The following OSBPL9 variants were observed in gnomAD, a reference collection of about 807,000 sequenced individuals.
The protein encoded by OSBPL9 is oxysterol binding protein like 9, also known as oxysterol-binding protein-related protein 9.
OSBPL9 carries 40 observed loss-of-function variants against 106.6 expected under a neutral mutation model. That is an observed-to-expected ratio of 0.38 (90% CI 0.29 to 0.49). The LOEUF is 0.49. Ranked by LOEUF, OSBPL9 falls within the 20% of genes least tolerant of loss-of-function variation. The pLI is 0.97. For missense variants in OSBPL9, 609 were observed against 887.2 expected, an observed-to-expected ratio of 0.69 and a Z score of 3.98; for synonymous variants, 269 against 295.4, an observed-to-expected ratio of 0.91 and a Z score of 0.92.
At chr1:51,746,573 G>T in intron 5 of OSBPL9, 137 bp from the exon 6 acceptor site, 5 of 594,556 alleles carry the variant, frequency 8.4e-6, no homozygotes, top group East Asian at 3.0e-5. Flanking sequence ...AAAAATACAT[G>T]TTGTCTTGAA....
intron 3 of OSBPL9, chr1:51,707,158 C>G: frequency 5.1e-6 from 2 of 392,728 alleles, no homozygotes; most frequent in Admixed American, 2.5e-5. Flanking sequence ...GCCATGTGGA[C>G]CATGAGGTCC....
At chr1:51,617,324 G>T in intron 1 of OSBPL9, 103 bp downstream of exon 1, 1 of 1,189,952 alleles carries the variant, frequency 8.4e-7, no homozygotes, top group Non-Finnish European at 1.2e-6. Context: ...TTGCTAGTCT[G>T]GGGGTGCCGC....
intron 3 of OSBPL9, among the ~76,000 whole-genome samples, chr1:51,712,188 A>G (rs1301072776): frequency 6.6e-6 from 1 of 152,204 alleles, no homozygotes; most frequent in East Asian, 1.9e-4. Context: ...AGGCTGGCGG[A>G]TCACTCGCGG....
Position 51,787,495 on chromosome 1 carries a change from T to C in OSBPL9, c.2136+7T>C. ...AATTCAGTGGGAGACAAGGGTAAGC[T>C]TGCCTGCCCCACCCTCCTAAGTGCT... On this transcript the variant is annotated splice_region_variant and intron_variant, in intron 23 of 23. Transcript: ENST00000428468. The C allele has an allele frequency of 6.2e-7, 1 of 1,613,868 alleles. No homozygotes were observed. The highest frequency in any genetic ancestry group is 8.5e-7 in the Non-Finnish European group (1 of 1,179,822).
chr1:51,772,249 A>G (rs1674072063), intron 13 of OSBPL9, 67 bp downstream of exon 13: 3 of 1,327,692 alleles, frequency 2.3e-6, no homozygotes, highest in Admixed American at 2.0e-5. Flanking sequence ...GTGGTGGCTC[A>G]TGCCGTAATC....
intron 1 of OSBPL9, among the ~76,000 whole-genome samples, chr1:51,643,549 G>C (rs1645943207): frequency 6.6e-6 from 1 of 152,166 alleles, no homozygotes; most frequent in African/African-American, 2.4e-5. Flanking sequence ...CAGGGATGAT[G>C]GGGTATTTTG....
intron 4 of OSBPL9, among the ~76,000 whole-genome samples, chr1:51,735,212 CA>C (rs1311898438): frequency 6.6e-6 from 1 of 152,194 alleles, no homozygotes; most frequent in African/African-American, 2.4e-5. Context: ...GCAATTCTGG[CA>C]GTGACTGTTT....
chr1:51,538,717 T>G, the OSBPL9 span: 1 of 152,202 alleles, frequency 6.6e-6, no homozygotes, highest in African/African-American at 2.4e-5. Flanking sequence ...AAATATGCTG[T>G]CAAAGCAAGC....
chr1:51,538,946 ACT>A, the OSBPL9 span, among the ~76,000 whole-genome samples: 1 of 151,598 alleles, frequency 6.6e-6, no homozygotes. Flanking sequence ...GTCTGTCCTC[ACT>A]CTCTTTGTCT....
chr1:51,638,322 T>C (rs1645579542), intron 1 of OSBPL9, among the ~76,000 whole-genome samples: 1 of 152,126 alleles, frequency 6.6e-6, no homozygotes, highest in South Asian at 2.1e-4. Flanking sequence ...AGAGTTTTTG[T>C]TGGTGTAGCT....
At chr1:51,563,092 C>G in the OSBPL9 span, among the ~76,000 whole-genome samples, 1 of 152,118 alleles carries the variant, frequency 6.6e-6, no homozygotes, top group Non-Finnish European at 1.5e-5. Flanking sequence ...TGCCTGTAGT[C>G]CCAGCTACTC....
the OSBPL9 span, among the ~76,000 whole-genome samples, chr1:51,549,125 C>T: frequency 9.2e-5 from 14 of 152,162 alleles, no homozygotes; most frequent in Non-Finnish European, 1.5e-4. Flanking sequence ...CACCAGGCAC[C>T]AGTCTACAGG....
intron 3 of OSBPL9, among the ~76,000 whole-genome samples, chr1:51,683,480 G>A (rs1323310423): frequency 2.6e-5 from 4 of 151,028 alleles, no homozygotes; most frequent in African/African-American, 9.7e-5. Context: ...GTGCCCAGCC[G>A]AGACCAAGTT....
At chr1:51,602,494 C>A (rs180704549) in intron 2 of OSBPL9, among the ~76,000 whole-genome samples, 1 of 146,914 alleles carries the variant, frequency 6.8e-6, no homozygotes, top group Admixed American at 6.9e-5. Context: ...ACAATCACAG[C>A]CCTTTGGAAC....
chr1:51,753,692 G>A (rs993913146), intron 8 of OSBPL9, among the ~76,000 whole-genome samples: 2 of 152,072 alleles, frequency 1.3e-5, no homozygotes, highest in African/African-American at 4.8e-5. Context: ...TCTTAGAGGC[G>A]GCATGCTGTA....
the OSBPL9 span, chr1:51,566,551 G>A: frequency 2.0e-5 from 3 of 152,166 alleles, no homozygotes; most frequent in African/African-American, 7.2e-5. Context: ...TCTATAAAGG[G>A]AATGGGGAAA....
At chr1:51,523,651 A>C in the OSBPL9 span, among the ~76,000 whole-genome samples, 1 of 152,114 alleles carries the variant, frequency 6.6e-6, no homozygotes, top group Non-Finnish European at 1.5e-5. Context: ...GCCCTTGAAC[A>C]TGGGAAGCTG....
the OSBPL9 span, among the ~76,000 whole-genome samples, chr1:51,536,995 C>T: frequency 6.6e-6 from 1 of 152,116 alleles, no homozygotes; most frequent in Non-Finnish European, 1.5e-5. Context: ...ATATCCTGTT[C>T]CTCTTCAAAC....
At chr1:51,676,369 G>T (rs1186066613) in intron 3 of OSBPL9, among the ~76,000 whole-genome samples, 1 of 151,942 alleles carries the variant, frequency 6.6e-6, no homozygotes, top group Non-Finnish European at 1.5e-5. Context: ...GTCGGAAGTT[G>T]TAGTGAGCCG....
Sources: gnomAD v4.1 joint callset for allele counts (sites outside exome capture counted in the v4.1 genomes callset) on GRCh38, gnomAD v4.1.1 for gene constraint, MANE v1.5 for transcripts, NCBI Gene and HGNC (gene_info 2026-07-23, HGNC 2026-07-21) for gene names.